The following NDUFA10 variants were observed in gnomAD, a reference collection of about 807,000 sequenced individuals.
The protein encoded by NDUFA10 is NADH:ubiquinone oxidoreductase subunit A10, also known as NADH dehydrogenase [ubiquinone] 1 alpha subcomplex subunit 10, mitochondrial.
A neutral mutation model predicts 47.8 loss-of-function variants in NDUFA10; 40 were observed. The observed-to-expected ratio is 0.84, with a 90% CI of 0.65 to 1.09. The LOEUF (loss-of-function observed/expected upper bound fraction) is 1.09, where lower values mean the gene tolerates loss of function less well. Ranked by LOEUF, NDUFA10 falls within the 50% of genes least tolerant of loss-of-function variation. The pLI is 0.00. For missense variants in NDUFA10, 413 were observed against 451.1 expected, an observed-to-expected ratio of 0.92 and a Z score of 0.76; for synonymous variants, 183 against 172.2, an observed-to-expected ratio of 1.06 and a Z score of -0.49.
At chr2:239,937,527 A>T (rs1358590510) in intron 4 of NDUFA10, among the ~76,000 whole-genome samples, 1 of 152,132 alleles carries the variant, frequency 6.6e-6, no homozygotes, top group Non-Finnish European at 1.5e-5. Context: ...TCCCAGCTTC[A>T]TTCATTTTAT....
chr2:239,900,712 T>C (rs1234378407), intron 4 of NDUFA10, among the ~76,000 whole-genome samples: 1 of 152,210 alleles, frequency 6.6e-6, no homozygotes, highest in Non-Finnish European at 1.5e-5. Context: ...AGAAGTGGTC[T>C]GGCTAGAAGA....
chr2:239,999,013 A>C (rs1405962145), intron 8 of NDUFA10, among the ~76,000 whole-genome samples: 6 of 152,180 alleles, frequency 3.9e-5, no homozygotes, highest in East Asian at 1.9e-4. Context: ...TAAGGACCAC[A>C]TGGAGCTGAG....
intron 9 of NDUFA10, among the ~76,000 whole-genome samples, chr2:239,971,197 A>C (rs1695291392): frequency 6.6e-6 from 1 of 152,248 alleles, no homozygotes; most frequent in Admixed American, 6.5e-5. Flanking sequence ...AATGTGATTA[A>C]CTTGATAGTA....
chr2:239,994,337 A>G (rs1241271657), intron 8 of NDUFA10, among the ~76,000 whole-genome samples: 4 of 152,012 alleles, frequency 2.6e-5, no homozygotes, highest in African/African-American at 9.7e-5. Flanking sequence ...CTGTCAGACC[A>G]GGGCAGCATG....
At chr2:239,982,276 A>T (rs1314709017) in intron 9 of NDUFA10, 5 of 1,593,674 alleles carry the variant, frequency 3.1e-6, no homozygotes, top group Non-Finnish European at 4.3e-6. Flanking sequence ...GGCCGACTTT[A>T]CTTTTCTTTA....
intron 8 of NDUFA10, among the ~76,000 whole-genome samples, chr2:240,002,499 GAATAT>G (rs1186218015): frequency 4.6e-5 from 7 of 152,080 alleles, no homozygotes; most frequent in Admixed American, 6.5e-5. Context: ...TCAGTATATG[GAATAT>G]AATATATGAA....
At chr2:239,903,933 T>C (rs1450185957) in intron 4 of NDUFA10, among the ~76,000 whole-genome samples, 2 of 152,208 alleles carry the variant, frequency 1.3e-5, no homozygotes. Flanking sequence ...CCGCCTGGCC[T>C]CAGGGCTGCA....
intron 4 of NDUFA10, among the ~76,000 whole-genome samples, chr2:239,909,111 A>G (rs1391144237): frequency 6.6e-6 from 1 of 152,178 alleles, no homozygotes; most frequent in African/African-American, 2.4e-5. Context: ...CAGTTCTTGC[A>G]TTAGAATCCT....
At chr2:239,942,620 A>G (rs1257120421) in intron 4 of NDUFA10, among the ~76,000 whole-genome samples, 1 of 149,810 alleles carries the variant, frequency 6.7e-6, no homozygotes, top group Non-Finnish European at 1.5e-5. Flanking sequence ...GCACAGGAAT[A>G]TTTTTTTTTT....
At chr2:240,014,919 C>T in intron 4 of NDUFA10, 59 bp from the exon 5 acceptor site, 1 of 1,611,426 alleles carries the variant, frequency 6.2e-7, no homozygotes, top group Non-Finnish European at 8.5e-7. Context: ...GTTTCCAAAA[C>T]ACACTCCTCC....
At chr2:239,916,134 C>T (rs938090359) in intron 4 of NDUFA10, among the ~76,000 whole-genome samples, 2 of 151,340 alleles carry the variant, frequency 1.3e-5, no homozygotes, top group Admixed American at 6.6e-5. Flanking sequence ...TAGACACACA[C>T]AAATATACAG....
intron 9 of NDUFA10, chr2:239,982,109 G>A (rs1170883571): frequency 1.9e-6 from 3 of 1,612,648 alleles, no homozygotes; most frequent in Admixed American, 1.7e-5. Context: ...GACCTGACAC[G>A]TGTACCTGAA....
chr2:239,951,530 T>C (rs929271295), intron 4 of NDUFA10, among the ~76,000 whole-genome samples: 3 of 152,012 alleles, frequency 2.0e-5, no homozygotes, highest in African/African-American at 7.3e-5. Flanking sequence ...AGGGTCCTCC[T>C]CTCGCCACAC....
At chr2:239,917,365 T>C (rs967016920) in intron 4 of NDUFA10, among the ~76,000 whole-genome samples, 14 of 152,130 alleles carry the variant, frequency 9.2e-5, no homozygotes, top group Admixed American at 2.0e-4. Flanking sequence ...TCCCTCAACA[T>C]AGGGAGAATA....
At chr2:239,953,325 C>A (rs766414762), downstream of NDUFA10, among the ~76,000 whole-genome samples, 1 of 152,158 alleles carries the variant, frequency 6.6e-6, no homozygotes, top group Non-Finnish European at 1.5e-5. Flanking sequence ...AGGCCAGGAG[C>A]CTGCAGGAGG....
rs113435134 is a variant in NDUFA10, at chr2:240,005,129, A to G, written c.890+81T>C. The G allele has an allele frequency of 3.9e-3, 4,887 of 1,264,488 alleles. 159 individuals carry two copies. In the African/African-American group the frequency reaches 0.062, roughly 16 times the overall value. The allele number at this position is 1,264,488 out of a possible 1,614,324, so 78.3% of individuals were successfully genotyped here. ...GCTGCTAACACCTAACTTGAAACAT[A>G]ATTATTTCAAACTTCCCTAAGTTTC... On this transcript the variant is annotated intron_variant, in intron 8 of 9. Coordinates refer to ENST00000252711, the MANE Select transcript of NDUFA10 (RefSeq NM_004544.4).
intron 9 of NDUFA10, among the ~76,000 whole-genome samples, chr2:239,989,548 G>A (rs1380414797): frequency 6.6e-6 from 1 of 152,206 alleles, no homozygotes; most frequent in Non-Finnish European, 1.5e-5. Context: ...CACACGCCTC[G>A]AACCTAATGG....
chr2:239,990,591 G>A (rs1449301298), intron 8 of NDUFA10, among the ~76,000 whole-genome samples: 1 of 152,198 alleles, frequency 6.6e-6, no homozygotes, highest in Non-Finnish European at 1.5e-5. Context: ...TTCCAGATGA[G>A]TGGATCTTGG....
At chr2:239,905,890 G>A (rs1399751112) in intron 4 of NDUFA10, among the ~76,000 whole-genome samples, 1 of 150,166 alleles carries the variant, frequency 6.7e-6, no homozygotes, top group Non-Finnish European at 1.5e-5. Flanking sequence ...CAGGAGGGGA[G>A]GAAGCAGTCC....
Sources: allele counts gnomAD v4.1 joint callset (sites outside exome capture counted in the v4.1 genomes callset), GRCh38; gene constraint gnomAD v4.1.1; transcripts MANE v1.5; gene names NCBI Gene and HGNC (gene_info 2026-07-23, HGNC 2026-07-21).